XKR4: variants seen among roughly 807,000 people sequenced by gnomAD.
XKR4 encodes XK related 4, also known as XK-related protein 4.
XKR4 carries 12 observed loss-of-function variants against 53.9 expected under a neutral mutation model. The ratio of observed to expected loss-of-function variants is 0.22; its 90% CI spans 0.14 to 0.36. The LOEUF (loss-of-function observed/expected upper bound fraction) is 0.36, where lower values mean the gene tolerates loss of function less well. XKR4 is among the 10% of genes least tolerant of loss of function. The pLI, the probability that XKR4 is intolerant of heterozygous loss-of-function variation, is 1.00. For synonymous variants in XKR4, 354 were observed against 362.4 expected, an observed-to-expected ratio of 0.98 and a Z score of 0.26; for missense variants, 799 against 859.5, an observed-to-expected ratio of 0.93 and a Z score of 0.88.
At chr8:55,115,833 A>G (rs746168213) in intron 1 of XKR4, among the ~76,000 whole-genome samples, 1 of 152,170 alleles carries the variant, frequency 6.6e-6, no homozygotes, top group Non-Finnish European at 1.5e-5. Flanking sequence ...ACCAATCTCT[A>G]AGAAGATAAT....
At chr8:55,304,321 T>C (rs1356507087) in intron 1 of XKR4, among the ~76,000 whole-genome samples, 1 of 152,216 alleles carries the variant, frequency 6.6e-6, no homozygotes, top group Non-Finnish European at 1.5e-5. Flanking sequence ...GTGAGTTTCT[T>C]AATCCTGAGT....
At chr8:55,418,496 C>A (rs1219955350) in intron 2 of XKR4, among the ~76,000 whole-genome samples, 1 of 152,190 alleles carries the variant, frequency 6.6e-6, no homozygotes, top group African/African-American at 2.4e-5. Context: ...ATGCGTCTCA[C>A]CCCCTCCGCT....
At chr8:55,400,041 GCATCCATACCTT>G (rs1804576666) in intron 2 of XKR4, among the ~76,000 whole-genome samples, 1 of 152,174 alleles carries the variant, frequency 6.6e-6, no homozygotes. Context: ...CATCTCTGAT[GCATCCATACCTT>G]TGTCTTTCTC....
Position 55,481,416 on chromosome 8 carries a change from C to A in XKR4, c.1007-41865C>A, listed in dbSNP as rs943090470. Among the ~76,000 whole-genome samples, 631 of 151,530 alleles carry A rather than the reference C, an allele frequency of 4.2e-3. 2 individuals are homozygous for A. The highest frequency in any genetic ancestry group is 6.8e-3 in the Non-Finnish European group (460 of 67,604). On this transcript the variant is annotated intron_variant, in intron 2 of 2. Transcript: ENST00000327381. ...GAATTCAAGATGGATTAAAGACTTA[C>A]ATGTTAGACCTAAAACCATAAAAAC...
At chr8:55,202,119 A>G (rs545185976) in intron 1 of XKR4, among the ~76,000 whole-genome samples, 1 of 152,354 alleles carries the variant, frequency 6.6e-6, no homozygotes, top group Admixed American at 6.5e-5. Flanking sequence ...TCAGATTCTA[A>G]TAAGGACAAA....
chr8:55,441,047 A>G (rs1021792386), intron 2 of XKR4, among the ~76,000 whole-genome samples: 3 of 140,854 alleles, frequency 2.1e-5, no homozygotes, highest in African/African-American at 8.3e-5. Context: ...GGACAACACA[A>G]TGACACCTCA....
chr8:55,372,282 G>A lies in XKR4; in HGVS notation c.1006+14405G>A, dbSNP rs143693818. On this transcript the variant is annotated intron_variant, in intron 2 of 2. Coordinates refer to ENST00000327381, the MANE Select transcript of XKR4 (RefSeq NM_052898.2). ...CAACCTCTAACCTCCCCAAATTTCA[G>A]TAATGTGTTAGCACTTCACACCTTA... Among the ~76,000 whole-genome samples, 3 of 152,288 alleles carry A rather than the reference G, an allele frequency of 2.0e-5. No homozygotes were observed. The East Asian group carries it at 5.8e-4, about 29-fold the overall frequency.
intron 1 of XKR4, among the ~76,000 whole-genome samples, chr8:55,165,565 TAATC>T (rs1239012683): frequency 6.6e-6 from 1 of 152,158 alleles, no homozygotes; most frequent in Non-Finnish European, 1.5e-5. Context: ...TGTGGTGTCA[TAATC>T]AACATCAGCG....
At chr8:55,186,128 T>C (rs1188662981) in intron 1 of XKR4, among the ~76,000 whole-genome samples, 2 of 152,182 alleles carry the variant, frequency 1.3e-5, no homozygotes, top group Non-Finnish European at 2.9e-5. Flanking sequence ...CCCTTCTGGC[T>C]GCAAACCAAT....
intron 1 of XKR4, chr8:55,161,353 C>T (rs1816981874): frequency 2.8e-6 from 1 of 354,628 alleles, no homozygotes; most frequent in Non-Finnish European, 5.5e-6. Flanking sequence ...GTGTTCATAG[C>T]ATTTTTCTGT....
At chr8:55,190,713 G>C (rs1817434813) in intron 1 of XKR4, among the ~76,000 whole-genome samples, 1 of 152,106 alleles carries the variant, frequency 6.6e-6, no homozygotes, top group African/African-American at 2.4e-5. Context: ...GAACAGACAG[G>C]GGCCATCACT....
chr8:55,386,425 TAA>T (rs1804316131), intron 2 of XKR4, among the ~76,000 whole-genome samples: 1 of 152,356 alleles, frequency 6.6e-6, no homozygotes, highest in African/African-American at 2.4e-5. Context: ...GCCATTTTTA[TAA>T]AAGTCTTACC....
chr8:55,289,613 GA>G lies in XKR4; in HGVS notation c.807-68062del, dbSNP rs1585989427. ...AAAGAGAAAGAAAGAAAGAAAGAAA[GA>G]AAGAAAGAAAGAAAGAAAGAAAGAA... On this transcript the variant is annotated intron_variant, in intron 1 of 2. Coordinates refer to ENST00000327381, the MANE Select transcript of XKR4 (RefSeq NM_052898.2). Among the ~76,000 whole-genome samples the G allele has an allele frequency of 4.6e-5, 5 of 108,950 alleles. No homozygotes were observed. In the East Asian group the frequency reaches 1.3e-3, roughly 28 times the overall value. The allele number at this position is 108,950 out of a possible 152,430, so 71.5% of individuals were successfully genotyped here. A position where few individuals can be genotyped will look rare whatever the true frequency, so the allele number is the denominator to read the frequency against.
chr8:55,150,563 A>AGG (rs1816827948), intron 1 of XKR4, among the ~76,000 whole-genome samples: 1 of 152,124 alleles, frequency 6.6e-6, no homozygotes, highest in Non-Finnish European at 1.5e-5. Flanking sequence ...GAACCCTGCC[A>AGG]GGGCCCTCTG....
intron 1 of XKR4, among the ~76,000 whole-genome samples, chr8:55,114,348 A>G (rs1816276025): frequency 6.6e-6 from 1 of 152,016 alleles, no homozygotes; most frequent in Admixed American, 6.6e-5. Context: ...TTTTTTTCAT[A>G]TGTCTGTTGG....
At chr8:55,265,686 A>G (rs970711908) in intron 1 of XKR4, among the ~76,000 whole-genome samples, 6 of 151,920 alleles carry the variant, frequency 3.9e-5, no homozygotes, top group African/African-American at 1.2e-4. Flanking sequence ...CCCTGTCTCT[A>G]TAAAAATTCC....
chr8:55,460,775 C>A (rs889193820), intron 2 of XKR4, among the ~76,000 whole-genome samples: 1 of 152,208 alleles, frequency 6.6e-6, no homozygotes, highest in Non-Finnish European at 1.5e-5. Context: ...TCGGGTCACT[C>A]CCACCCTAAT....
intron 1 of XKR4, among the ~76,000 whole-genome samples, chr8:55,289,580 GAAGAAAGAAA>G (rs1818954742): frequency 1.2e-5 from 1 of 86,050 alleles, no homozygotes; most frequent in Non-Finnish European, 2.2e-5. Flanking sequence ...AGAGAGAAAG[GAAGAAAGAAA>G]GAGAAAGAAA....
At chr8:55,106,949 A>C (rs1816157499) in intron 1 of XKR4, among the ~76,000 whole-genome samples, 1 of 152,158 alleles carries the variant, frequency 6.6e-6, no homozygotes, top group Admixed American at 6.5e-5. Context: ...GATTAAACAA[A>C]GTTAAACAGC....
Sources: gnomAD v4.1 joint callset for allele counts (sites outside exome capture counted in the v4.1 genomes callset) on GRCh38, gnomAD v4.1.1 for gene constraint, MANE v1.5 for transcripts, NCBI Gene and HGNC (gene_info 2026-07-23, HGNC 2026-07-21) for gene names.